STARD4: variants seen among roughly 807,000 people sequenced by gnomAD.
STARD4 encodes stAR-related lipid transfer protein 4.
In STARD4, 33 loss-of-function variants were observed where a neutral mutation model predicts 24.9. The observed-to-expected ratio is 1.32, with a 90% CI of 1.00 to 1.77. The LOEUF is 1.77. Ranked by LOEUF, STARD4 falls within the 40% of genes most tolerant of loss-of-function variation. The pLI, the probability that STARD4 is intolerant of heterozygous loss-of-function variation, is 0.00. For missense variants in STARD4, 238 were observed against 249.3 expected (o/e 0.95, Z 0.31); for synonymous variants, 88 against 77.4 (o/e 1.14, Z -0.72).
intron 1 of STARD4, among the ~76,000 whole-genome samples, chr5:111,510,399 G>A (rs570986324): frequency 5.3e-5 from 8 of 152,262 alleles, no homozygotes; most frequent in African/African-American, 1.9e-4. Flanking sequence ...AGAATGTCAG[G>A]TAAATGTTTT....
intron 1 of STARD4, among the ~76,000 whole-genome samples, chr5:111,511,756 A>C (rs1196238020): frequency 6.6e-6 from 1 of 152,246 alleles, no homozygotes; most frequent in East Asian, 1.9e-4. Flanking sequence ...GGGCCCACCA[A>C]ATATTTGTCA....
chr5:111,503,496 G>A (rs1027782938), intron 3 of STARD4, among the ~76,000 whole-genome samples: 3 of 152,168 alleles, frequency 2.0e-5, no homozygotes, highest in African/African-American at 7.2e-5. Flanking sequence ...GGGTGTGGTG[G>A]CGCATGCCTA....
chr5:111,506,252 G>T, intron 3 of STARD4, 78 bp downstream of exon 3: 1 of 463,478 alleles, frequency 2.2e-6, no homozygotes, highest in Non-Finnish European at 3.7e-6. Context: ...AATCTTACTA[G>T]CAATGACTAC....
Position 111,506,315 on chromosome 5 carries a change from T to C in STARD4, c.155+15A>G, listed in dbSNP as rs769446999. On this transcript the variant is annotated intron_variant, in intron 3 of 5. Transcript: ENST00000296632. Reference sequence around the variant, plus strand: ...ATGTCTTAAGAGCTGTGTAAGTCTATAAAAAGTTACTTACAGATATCCATT... The same window carrying C: ...ATGTCTTAAGAGCTGTGTAAGTCTACAAAAAGTTACTTACAGATATCCATT... The C allele has an allele frequency of 4.4e-5, 63 of 1,445,034 alleles. 1 individual carries two copies. Among genetic ancestry groups the C allele is most frequent in the Non-Finnish European group, 5.8e-5 (61 of 1,048,754 alleles). 89.5% of individuals were successfully genotyped at this position (1,445,034 alleles called of 1,614,324 possible).
intron 1 of STARD4, among the ~76,000 whole-genome samples, chr5:111,510,846 A>G (rs1052724492): frequency 3.3e-5 from 5 of 152,248 alleles, no homozygotes; most frequent in Non-Finnish European, 5.9e-5. Context: ...GGAACATAAT[A>G]AAACATTTAA....
At chr5:111,500,791 CT>C in intron 5 of STARD4, 1 of 1,461,390 alleles carries the variant, frequency 6.8e-7, no homozygotes, top group South Asian at 1.5e-5. Flanking sequence ...CTAGAGGATA[CT>C]GTGTAACTGG....
Position 111,507,272 on chromosome 5 carries a change from CA to C in STARD4, c.105+56del. The C allele has an allele frequency of 7.1e-7, 1 of 1,410,956 alleles. No homozygotes were observed. The highest frequency in any genetic ancestry group is 9.8e-7 in the Non-Finnish European group (1 of 1,015,626). 87.4% of individuals were successfully genotyped at this position (1,410,956 alleles called of 1,614,324 possible). A position where few individuals can be genotyped will look rare whatever the true frequency, so the allele number is the denominator to read the frequency against. ...TGTTCCATTTAATTTTAAAAGTCAT[CA>C]ACCAATTCATTAGATAGAAGATATA... On this transcript the variant is annotated intron_variant, in intron 2 of 5. Transcript: ENST00000296632. This position sits in a 1 kb window ranked among gnomAD's most constrained non-coding sequence, Gnocchi z 4.4.
At chr5:111,502,607 A>G (rs1756543899) in intron 3 of STARD4, among the ~76,000 whole-genome samples, 1 of 151,882 alleles carries the variant, frequency 6.6e-6, no homozygotes, top group South Asian at 2.1e-4. Flanking sequence ...CAGCCTGACC[A>G]ACATGCAGAA....
Position 111,507,508 on chromosome 5 carries a change from C to T in STARD4, c.-9-66G>A, listed in dbSNP as rs555036679. The T allele has an allele frequency of 2.3e-4, 276 of 1,224,640 alleles. No homozygotes were observed. In the African/African-American group the frequency reaches 3.3e-3, roughly 15 times the overall value. The allele number at this position is 1,224,640 out of a possible 1,614,324, so 75.9% of individuals were successfully genotyped here. On this transcript the variant is annotated intron_variant, in intron 1 of 5. Coordinates refer to ENST00000296632, the MANE Select transcript of STARD4 (RefSeq NM_139164.3). The surrounding 1 kb of genome is among the most constrained non-coding windows in gnomAD (Gnocchi z 4.4). The stretch of plus-strand genomic sequence containing the variant: ...TTTGAGGCAATAGGCCAGTGGGTCT[C>T]GAATCTGGTTTCACAATATAATAAC...
intron 1 of STARD4, among the ~76,000 whole-genome samples, chr5:111,508,063 G>C (rs10055627): frequency 6.6e-6 from 1 of 151,902 alleles, no homozygotes; most frequent in African/African-American, 2.4e-5. Flanking sequence ...CTAGCTTATC[G>C]CTGACTTGTG....
Position 111,501,023 on chromosome 5 carries a change from T to G in STARD4, c.376A>C (p.Lys126Gln), listed in dbSNP as rs774018645. The G allele has an allele frequency of 1.2e-6, 2 of 1,613,928 alleles. No homozygotes were observed. Among genetic ancestry groups the G allele is most frequent in the South Asian group, 2.2e-5 (2 of 91,068 alleles). ...TTACCACAAGATAAAAGCCCTTCTT[T>G]ATAGCCCACAGTATAGGAGAAATCA... ...FVDFSYTVGY[K>Q]EGLLSCGISL... Residue 126 changes from lysine to glutamine, a missense_variant, in exon 5 of 6, where the codon AAA (lysine) becomes CAA (glutamine). Coordinates refer to ENST00000296632, the MANE Select transcript of STARD4 (RefSeq NM_139164.3).
At position 111,500,360 on chromosome 5, in the gene STARD4, T is replaced by C. The variant is rs962759509; in HGVS notation, c.398-254A>G. 3.5e-6 allele frequency: 4 copies of C among 1,158,740 alleles called. No individual in the cohort carries two copies. The African/African-American group carries it at 4.8e-5, about 14-fold the overall frequency. The allele number at this position is 1,158,740 out of a possible 1,614,324, so 71.8% of individuals were successfully genotyped here. A position where few individuals can be genotyped will look rare whatever the true frequency, so the allele number is the denominator to read the frequency against. On this transcript the variant is annotated intron_variant, in intron 5 of 5. Coordinates refer to ENST00000296632, the MANE Select transcript of STARD4 (RefSeq NM_139164.3). The stretch of plus-strand genomic sequence containing the variant: ...GACATCATATCATCTTAGTACTCCT[T>C]GGAAGCTACAAATCTTGGTTGTAGT...
intron 1 of STARD4, among the ~76,000 whole-genome samples, chr5:111,511,580 G>A (rs1757288942): frequency 6.7e-6 from 1 of 148,780 alleles, no homozygotes; most frequent in Non-Finnish European, 1.5e-5. Context: ...TTACAGAAAG[G>A]GAAAATAGCA....
At chr5:111,503,332 G>A (rs1170821613) in intron 3 of STARD4, among the ~76,000 whole-genome samples, 1 of 152,048 alleles carries the variant, frequency 6.6e-6, no homozygotes, top group Admixed American at 6.6e-5. Flanking sequence ...AAATATCTGT[G>A]TAAAACATGT....
chr5:111,508,966 C>T (rs985411316), intron 1 of STARD4, among the ~76,000 whole-genome samples: 5 of 151,882 alleles, frequency 3.3e-5, no homozygotes, highest in Admixed American at 6.6e-5. Context: ...AAAGAAAATT[C>T]AATATAACTT....
At position 111,498,750 on chromosome 5, in the gene STARD4, G is replaced by A. The variant is rs200124945; in HGVS notation, c.*1136C>T. ...TATGAGATAATTCACCATGAACATTGTGCTGCTGCCACCTTTTGTTTTTTG... is the reference window on the plus strand; with the variant it reads ...TATGAGATAATTCACCATGAACATTATGCTGCTGCCACCTTTTGTTTTTTG... On this transcript the variant is annotated 3_prime_UTR_variant, in exon 6 of 6. Coordinates refer to ENST00000296632, the MANE Select transcript of STARD4 (RefSeq NM_139164.3). 1.3e-5 allele frequency: 2 copies of A among 152,212 alleles called. No homozygotes were observed. Among genetic ancestry groups the A allele is most frequent in the East Asian group, 1.9e-4 (1 of 5,184 alleles). 9.4% of individuals were successfully genotyped at this position (152,212 alleles called of 1,614,324 possible).
At chr5:111,511,693 G>A (rs1561544107) in intron 1 of STARD4, among the ~76,000 whole-genome samples, 1 of 152,160 alleles carries the variant, frequency 6.6e-6, no homozygotes, top group Non-Finnish European at 1.5e-5. Context: ...GCTCTCTCTT[G>A]TAAAACTGTG....
chr5:111,503,929 A>G (rs1756654648), intron 3 of STARD4, among the ~76,000 whole-genome samples: 1 of 152,216 alleles, frequency 6.6e-6, no homozygotes, highest in Non-Finnish European at 1.5e-5. Context: ...AAGAAAATCC[A>G]AAGAAAAGAT....
At chr5:111,505,027 C>T (rs34159791) in intron 3 of STARD4, 1 of 454,738 alleles carries the variant, frequency 2.2e-6, no homozygotes, top group Non-Finnish European at 4.4e-6. Context: ...CTTTTGATCA[C>T]ATATCCCTTT....
Sources: allele counts gnomAD v4.1 joint callset (sites outside exome capture counted in the v4.1 genomes callset), GRCh38; gene constraint gnomAD v4.1.1; non-coding constraint Gnocchi (gnomAD v3.1); transcripts MANE v1.5; gene names NCBI Gene and HGNC (gene_info 2026-07-23, HGNC 2026-07-21).